The following CDYL variants were observed in gnomAD, a reference collection of about 807,000 sequenced individuals.
CDYL encodes chromodomain Y like.
CDYL carries 8 observed loss-of-function variants against 47.3 expected under a neutral mutation model. The ratio of observed to expected loss-of-function variants is 0.17; its 90% CI spans 0.10 to 0.31. The LOEUF is 0.31. Ranked by LOEUF, CDYL falls within the 10% of genes least tolerant of loss-of-function variation. The pLI, the probability that CDYL is intolerant of heterozygous loss-of-function variation, is 1.00. For synonymous variants in CDYL, 266 were observed against 265.0 expected (o/e 1.00, Z -0.04); for missense variants, 471 against 701.4 (o/e 0.67, Z 3.71).
chr6:4,854,200 G>GA (rs1561671375), intron 1 of CDYL, among the ~76,000 whole-genome samples: 2 of 152,168 alleles, frequency 1.3e-5, no homozygotes, highest in African/African-American at 4.8e-5. Context: ...AGACCTGTGC[G>GA]AGCACACCAG....
At chr6:4,776,110 G>T (rs1439887612), upstream of CDYL, among the ~76,000 whole-genome samples, 4 of 150,202 alleles carry the variant, frequency 2.7e-5, no homozygotes, top group Admixed American at 2.6e-4. Context: ...CGCGGGCCAG[G>T]CCGACCCCGC....
At chr6:4,764,155 G>A (rs895119246) in intron 3 of CDYL, among the ~76,000 whole-genome samples, 2 of 151,808 alleles carry the variant, frequency 1.3e-5, no homozygotes, top group East Asian at 1.9e-4. Flanking sequence ...TTATCAAACT[G>A]GATTAAAAAA....
At chr6:4,912,706 A>C (rs989112957) in intron 2 of CDYL, among the ~76,000 whole-genome samples, 3 of 152,226 alleles carry the variant, frequency 2.0e-5, no homozygotes, top group Non-Finnish European at 4.4e-5. Context: ...GTCCAGGATC[A>C]AGGGGCCCCC....
rs138478185 is a variant in CDYL at position 4,887,954 on chromosome 6, A to G, written c.25-3759A>G. ...TTTTTTCTGCATCTGTTGAAACAAT[A>G]TGTGATTTTTTCCCCTTTATTCTAT... On this transcript the variant is annotated intron_variant, in intron 1 of 6. Transcript: ENST00000397588. Among the ~76,000 whole-genome samples the G allele has an allele frequency of 2.5e-3, 376 of 150,690 alleles. 2 individuals carry two copies. The highest frequency in any genetic ancestry group is 9.0e-3 in the African/African-American group (367 of 41,004).
At chr6:4,930,752 A>G (rs947950500) in intron 2 of CDYL, among the ~76,000 whole-genome samples, 1 of 152,242 alleles carries the variant, frequency 6.6e-6, no homozygotes, top group African/African-American at 2.4e-5. Context: ...TCTTGAACAT[A>G]TTAAAAGAAA....
At chr6:4,891,588 T>C in intron 1 of CDYL, 125 bp from the exon 2 acceptor site, 1 of 728,016 alleles carries the variant, frequency 1.4e-6, no homozygotes, top group Non-Finnish European at 2.2e-6. Context: ...TTTATTGAGG[T>C]TGCAGAAGAG....
At chr6:4,915,242 A>G (rs1002324589) in intron 2 of CDYL, among the ~76,000 whole-genome samples, 1 of 152,208 alleles carries the variant, frequency 6.6e-6, no homozygotes, top group South Asian at 2.1e-4. Flanking sequence ...TTTGTTTAAT[A>G]TTTTTGATAC....
chr6:4,936,015 TG>T (rs1044887972), intron 3 of CDYL, among the ~76,000 whole-genome samples: 7 of 152,306 alleles, frequency 4.6e-5, no homozygotes, highest in African/African-American at 1.7e-4. Flanking sequence ...CTCCCGGGTG[TG>T]GGTCCACCCA....
intron 3 of CDYL, among the ~76,000 whole-genome samples, chr6:4,763,589 T>C (rs1398723822): frequency 1.3e-5 from 2 of 152,342 alleles, no homozygotes; most frequent in East Asian, 1.9e-4. Flanking sequence ...GGGTTATTAC[T>C]GTATATATTT....
chr6:4,829,790 T>C (rs1419628726), intron 1 of CDYL, among the ~76,000 whole-genome samples: 3 of 152,220 alleles, frequency 2.0e-5, no homozygotes, highest in Non-Finnish European at 4.4e-5. Context: ...GGTTAGAACA[T>C]ACCTACACAA....
chr6:4,953,021 A>C (rs143530065), intron 6 of CDYL, among the ~76,000 whole-genome samples: 4,820 of 150,742 alleles, frequency 0.032, 234 homozygotes, highest in Admixed American at 0.12. Flanking sequence ...CACCCACCTC[A>C]GCCTCCCAAA....
intron 3 of CDYL, among the ~76,000 whole-genome samples, chr6:4,744,488 C>A (rs1757852914): frequency 1.1e-5 from 1 of 90,204 alleles, no homozygotes; most frequent in Non-Finnish European, 2.5e-5. Context: ...AGAGCAAGAC[C>A]CTGTCTCAAA....
At position 4,777,997 on chromosome 6, in the gene CDYL, A is replaced by G. The variant is rs578165509; in HGVS notation, c.24+1190A>G. On this transcript the variant is annotated intron_variant, in intron 1 of 6. Coordinates refer to ENST00000397588, the MANE Select transcript of CDYL (RefSeq NM_004824.4). ...TACTGAAAATGTTCCATTCTTTTCA[A>G]CCATTTTACACATTAGCTGTGCCCC... is the stretch of plus-strand genomic sequence containing the variant. 3.3e-5 allele frequency among the ~76,000 whole-genome samples: 5 copies of G among 152,304 alleles called. No individual in the cohort carries two copies. The South Asian group carries it at 6.2e-4, about 19-fold the overall frequency.
At chr6:4,748,952 G>A (rs987648218) in intron 3 of CDYL, among the ~76,000 whole-genome samples, 1 of 152,182 alleles carries the variant, frequency 6.6e-6, no homozygotes, top group African/African-American at 2.4e-5. Context: ...AGGGATCTTA[G>A]CAATCACCAA....
At chr6:4,724,862 G>T (rs1460491195) in intron 2 of CDYL, 4 of 152,112 alleles carry the variant, frequency 2.6e-5, no homozygotes, top group Admixed American at 2.0e-4. Flanking sequence ...TCCAAACCGT[G>T]GAAAAAGACC....
intron 1 of CDYL, among the ~76,000 whole-genome samples, chr6:4,872,576 C>T (rs751235621): frequency 4.6e-5 from 7 of 152,040 alleles, no homozygotes; most frequent in Non-Finnish European, 7.4e-5. Context: ...CACAGGGTTG[C>T]ACCATGTTGG....
intron 2 of CDYL, among the ~76,000 whole-genome samples, chr6:4,929,137 ACTCT>A (rs1274230886): frequency 2.0e-5 from 3 of 151,202 alleles, no homozygotes; most frequent in Admixed American, 2.0e-4. Context: ...GCTGGTACAA[ACTCT>A]CTCAGCTTTT....
intron 1 of CDYL, among the ~76,000 whole-genome samples, chr6:4,882,139 C>T (rs572291506): frequency 6.6e-6 from 1 of 152,274 alleles, no homozygotes; most frequent in African/African-American, 2.4e-5. Flanking sequence ...GCGCTTGCTC[C>T]CAGTTCACAT....
At chr6:4,744,766 A>G (rs1757858751) in intron 3 of CDYL, among the ~76,000 whole-genome samples, 1 of 152,228 alleles carries the variant, frequency 6.6e-6, no homozygotes, top group Non-Finnish European at 1.5e-5. Flanking sequence ...AGCAGAGCCA[A>G]GACTTGAACT....
Sources: allele counts gnomAD v4.1 joint callset (sites outside exome capture counted in the v4.1 genomes callset), GRCh38; gene constraint gnomAD v4.1.1; transcripts MANE v1.5; gene names NCBI Gene and HGNC (gene_info 2026-07-23, HGNC 2026-07-21).